The following ANKAR variants were observed in gnomAD, a reference collection of about 807,000 sequenced individuals.
ANKAR encodes ankyrin and armadillo repeat-containing protein.
ANKAR carries 136 observed loss-of-function variants against 146.2 expected under a neutral mutation model. The ratio of observed to expected loss-of-function variants is 0.93; its 90% CI spans 0.81 to 1.07. The LOEUF is 1.07. Ranked by LOEUF, ANKAR falls within the 50% of genes least tolerant of loss-of-function variation. The probability of loss-of-function intolerance (pLI) is 0.00; values close to 1 mark genes in which losing one functional copy is unlikely to be tolerated. For synonymous variants in ANKAR, 500 were observed against 575.8 expected (o/e 0.87, Z 1.88); for missense variants, 1,567 against 1,679.9 (o/e 0.93, Z 1.18).
At chr2:189,754,961 G>A (rs1025385048) in intron 18 of ANKAR, 27 of 590,372 alleles carry the variant, frequency 4.6e-5, no homozygotes, top group African/African-American at 7.6e-5. Context: ...TTTATGTACA[G>A]ATATGAACCT....
intron 16 of ANKAR, among the ~76,000 whole-genome samples, chr2:189,730,887 T>G (rs1388790234): frequency 6.6e-6 from 1 of 152,230 alleles, no homozygotes; most frequent in Non-Finnish European, 1.5e-5. Context: ...AAATAAGATT[T>G]TCCTCAGATA....
At chr2:189,762,971 A>G (rs752545394), downstream of ANKAR, 53 of 985,236 alleles carry the variant, frequency 5.4e-5, no homozygotes, top group Non-Finnish European at 6.3e-5. Flanking sequence ...CTAGTGACTG[A>G]TCCAGCGGAG....
intron 10 of ANKAR, among the ~76,000 whole-genome samples, chr2:189,716,815 A>C (rs2105758890): frequency 6.6e-6 from 1 of 151,850 alleles, no homozygotes; most frequent in East Asian, 1.9e-4. Flanking sequence ...TCTTTGACAA[A>C]CCTGACAAAA....
Position 189,689,757 on chromosome 2 carries a change from G to A in ANKAR, c.832G>A (p.Asp278Asn), listed in dbSNP as rs1237090325. The A allele has an allele frequency of 6.2e-7, 1 of 1,612,320 alleles. No homozygotes were observed. Among genetic ancestry groups the A allele is most frequent in the East Asian group, 2.2e-5 (1 of 44,738 alleles). ...TACTAATGCTATAAAATATAATCAG[G>A]ATTATCTTGATATCTGTACCTACCA... Reference protein sequence around the residue: ...WLTNAIKYNQDYLDICTYQRL... With the variant: ...WLTNAIKYNQNYLDICTYQRL... Residue 278 changes from aspartate (D) to asparagine (N), a missense_variant, in exon 3 of 23, where the codon GAT (aspartate) becomes AAT (asparagine). Asp to Asn is a conservative substitution (Grantham distance 23, BLOSUM62 1). Transcript: ENST00000684021.
chr2:189,750,905 T>C (rs2045070817), downstream of ANKAR, among the ~76,000 whole-genome samples: 2 of 152,234 alleles, frequency 1.3e-5, no homozygotes, highest in South Asian at 4.1e-4. Flanking sequence ...TCTCAAATAC[T>C]GTAAATAAGT....
intron 7 of ANKAR, among the ~76,000 whole-genome samples, chr2:189,698,735 C>T (rs183354049): frequency 6.6e-6 from 1 of 152,270 alleles, no homozygotes; most frequent in African/African-American, 2.4e-5. Context: ...GGAGCCCGAC[C>T]TCATTCTTCC....
At position 189,728,064 on chromosome 2, in the gene ANKAR, A is replaced by G; in HGVS notation, c.2844A>G (p.Lys948=). ...TTATACAGAAAGCATTTCTGGAAAA[A>G]TCGTTAACTAAATATCTTTTAAAAC... ...NALIQKAFLE[K]SLTKYLLKLL... The change falls in exon 13 of 23, where the codon AAA becomes AAG. Residue 948 remains lysine, a synonymous_variant. Transcript: ENST00000684021. 1 of 1,613,176 alleles carries G rather than the reference A, an allele frequency of 6.2e-7. No homozygotes were observed. Among genetic ancestry groups the G allele is most frequent in the Non-Finnish European group, 8.5e-7 (1 of 1,179,504 alleles).
At chr2:189,727,380 C>G (rs537168891) in intron 12 of ANKAR, among the ~76,000 whole-genome samples, 5,728 of 140,340 alleles carry the variant, frequency 0.041, 156 homozygotes, top group African/African-American at 0.073. Flanking sequence ...ACAAAAAACA[C>G]AAAAATTAGC....
At position 189,689,528 on chromosome 2, in the gene ANKAR, T is replaced by C. The variant is rs949135222; in HGVS notation, c.603T>C (p.Gly201=). The change falls in exon 3 of 23, where the codon GGT becomes GGC. Residue 201 remains glycine (G), a splice_region_variant and synonymous_variant. Coordinates refer to ENST00000684021, the MANE Select transcript of ANKAR (RefSeq NM_001378068.1). ...KDIFSEFSSA[G]LTDITKDPDF... ...AAATTTTCCTTTTTTATCATGAAGG[T>C]TTGACTGATATTACAAAGGATCCAG... 4 of 1,562,770 alleles carry C rather than the reference T, an allele frequency of 2.6e-6. No individual in the cohort carries two copies. The highest frequency in any genetic ancestry group is 3.5e-6 in the Non-Finnish European group (4 of 1,159,062).
intron 2 of ANKAR, among the ~76,000 whole-genome samples, chr2:189,679,819 C>T (rs754551462): frequency 3.9e-5 from 6 of 152,028 alleles, no homozygotes; most frequent in African/African-American, 1.2e-4. Context: ...TTGATCATGG[C>T]GTATTATCTT....
chr2:189,686,324 G>A lies in ANKAR; in HGVS notation c.602-3203G>A, dbSNP rs968632361. ...CACATTTTCTACAGTCATGTCTTAC[G>A]ACTACAAGCAGTTTTCTCAAGCCTA... On this transcript the variant is annotated intron_variant, in intron 2 of 22. Transcript: ENST00000684021. Among the ~76,000 whole-genome samples the A allele has an allele frequency of 2.0e-5, 3 of 152,192 alleles. No individual in the cohort carries two copies. In the East Asian group the frequency reaches 5.8e-4, roughly 29 times the overall value.
chr2:189,747,338 C>CCA (rs560791152), downstream of ANKAR: 11 of 75,744 alleles, frequency 1.5e-4, no homozygotes, highest in Non-Finnish European at 4.7e-5. Context: ...GACCCTGTCT[C>CCA]AAAAAAAAAA....
At chr2:189,750,762 AAT>A, downstream of ANKAR, 1 of 761,760 alleles carries the variant, frequency 1.3e-6, no homozygotes, top group Non-Finnish European at 2.0e-6. Context: ...TCAAATATTT[AAT>A]TCATCATATG....
In ANKAR at chr2:189,691,711, GAT is replaced by G. The variant is rs10653426; in HGVS notation, c.1040-530_1040-529del. 4.0e-4 allele frequency among the ~76,000 whole-genome samples: 59 copies of G among 147,478 alleles called. 1 individual carries two copies. Among genetic ancestry groups the G allele is most frequent in the East Asian group, 2.7e-3 (14 of 5,112 alleles). On this transcript the variant is annotated intron_variant, in intron 3 of 22. Transcript: ENST00000684021. ...CATACATATATATGTATATATTTGA[GAT>G]ATATATATATATAATATATAAACAG...
chr2:189,697,314 G>A (rs2037366965), intron 7 of ANKAR, among the ~76,000 whole-genome samples: 1 of 151,804 alleles, frequency 6.6e-6, no homozygotes, highest in African/African-American at 2.4e-5. Context: ...CAGGAAGATT[G>A]CTTGAGCCCA....
chr2:189,757,929 G>A (rs1474385516), intron 18 of ANKAR, among the ~76,000 whole-genome samples: 2 of 152,196 alleles, frequency 1.3e-5, no homozygotes, highest in Non-Finnish European at 2.9e-5. Flanking sequence ...TGCTCACTTA[G>A]TGATATGGTT....
intron 10 of ANKAR, among the ~76,000 whole-genome samples, chr2:189,718,844 G>A (rs2040886681): frequency 6.6e-6 from 1 of 150,376 alleles, no homozygotes; most frequent in Non-Finnish European, 1.5e-5. Context: ...CCGCTTCCCG[G>A]GTTCACGCCA....
intron 2 of ANKAR, among the ~76,000 whole-genome samples, chr2:189,678,231 A>G (rs2034065140): frequency 6.6e-6 from 1 of 152,082 alleles, no homozygotes; most frequent in South Asian, 2.1e-4. Context: ...GGCCTTTTGT[A>G]TATCTTCATT....
At chr2:189,709,611 G>A (rs2039423695) in intron 9 of ANKAR, among the ~76,000 whole-genome samples, 1 of 152,146 alleles carries the variant, frequency 6.6e-6, no homozygotes, top group African/African-American at 2.4e-5. Flanking sequence ...ATTTTAGGAT[G>A]GGATAAAATA....
Sources: gnomAD v4.1 joint callset for allele counts (sites outside exome capture counted in the v4.1 genomes callset) on GRCh38, gnomAD v4.1.1 for gene constraint, MANE v1.5 for transcripts, NCBI Gene and HGNC (gene_info 2026-07-23, HGNC 2026-07-21) for gene names.